Variants in MATR3 observed in about 807,000 individuals in gnomAD.
The protein encoded by MATR3 is matrin 3.
MATR3 carries 4 observed loss-of-function variants against 85.5 expected under a neutral mutation model. That is an observed-to-expected ratio of 0.05 (90% CI 0.02 to 0.11). The LOEUF is 0.11. Ranked by LOEUF, MATR3 falls within the 10% of genes least tolerant of loss-of-function variation. The probability of loss-of-function intolerance (pLI) is 1.00; values close to 1 mark genes in which losing one functional copy is unlikely to be tolerated. For missense variants in MATR3, 685 were observed against 1,016.1 expected, an observed-to-expected ratio of 0.67 and a Z score of 4.43; for synonymous variants, 336 against 343.1, an observed-to-expected ratio of 0.98 and a Z score of 0.23.
chr5:139,316,349 A>C (rs1403270974), intron 5 of MATR3, among the ~76,000 whole-genome samples, 161 bp downstream of exon 5: 4 of 151,580 alleles, frequency 2.6e-5, no homozygotes, highest in Non-Finnish European at 5.9e-5. Flanking sequence ...GGGTGCAAGC[A>C]GTTCTCCTGC....
upstream of MATR3, among the ~76,000 whole-genome samples, chr5:139,290,451 T>TTTTTTTTTTTTTTTTTC (rs1753837574): frequency 8.6e-6 from 1 of 116,166 alleles, no homozygotes; most frequent in African/African-American, 3.4e-5. Flanking sequence ...TTTTTTTTTT[T>TTTTTTTTTTTTTTTTTC]TTTTTTTTTT....
intron 2 of MATR3, chr5:139,311,600 A>G (rs1256288681): frequency 1.3e-5 from 2 of 152,022 alleles, no homozygotes; most frequent in Admixed American, 6.5e-5. Flanking sequence ...CTGTTCAGCT[A>G]TGTACCCTTT....
intron 1 of MATR3, 99 bp downstream of exon 1, chr5:139,293,904 G>T: frequency 9.2e-7 from 1 of 1,086,688 alleles, no homozygotes; most frequent in Non-Finnish European, 1.2e-6. Context: ...CGGGGAGCCG[G>T]CGGCGCGCCT....
intron 1 of MATR3, among the ~76,000 whole-genome samples, chr5:139,297,208 C>T (rs927908485): frequency 6.6e-6 from 1 of 152,132 alleles, no homozygotes; most frequent in African/African-American, 2.4e-5. Flanking sequence ...ATTGACTTAA[C>T]ATTTGGGATG....
At chr5:139,311,988 C>T (rs1268397523) in intron 2 of MATR3, 3 of 151,878 alleles carry the variant, frequency 2.0e-5, no homozygotes, top group Non-Finnish European at 2.9e-5. Context: ...AGGCTGGTCT[C>T]TAACTCCTGG....
chr5:139,318,069 A>G (rs1473819368), intron 7 of MATR3, among the ~76,000 whole-genome samples: 2 of 152,222 alleles, frequency 1.3e-5, no homozygotes, highest in African/African-American at 4.8e-5. Context: ...AATGCAGTAG[A>G]AAATTAATCT....
intron 1 of MATR3, among the ~76,000 whole-genome samples, chr5:139,300,446 A>G (rs1053904825): frequency 2.0e-5 from 3 of 152,236 alleles, no homozygotes; most frequent in Admixed American, 6.5e-5. Flanking sequence ...AAGTTGATAC[A>G]TGAAAGAGAC....
At chr5:139,296,613 A>C (rs956290160) in intron 1 of MATR3, among the ~76,000 whole-genome samples, 1 of 152,226 alleles carries the variant, frequency 6.6e-6, no homozygotes, top group African/African-American at 2.4e-5. Flanking sequence ...TGAAGTGAAA[A>C]GTACTGAGAA....
At chr5:139,290,891 G>C (rs1753851557), upstream of MATR3, among the ~76,000 whole-genome samples, 3 of 152,092 alleles carry the variant, frequency 2.0e-5, no homozygotes, top group Admixed American at 6.6e-5. Flanking sequence ...AACTGAACTT[G>C]CGTTGGATAG....
At chr5:139,297,216 A>T (rs1318626296) in intron 1 of MATR3, among the ~76,000 whole-genome samples, 1 of 152,170 alleles carries the variant, frequency 6.6e-6, no homozygotes, top group Non-Finnish European at 1.5e-5. Flanking sequence ...AACATTTGGG[A>T]TGGACAGTGC....
intron 2 of MATR3, chr5:139,278,557 A>G (rs1351894179): frequency 2.8e-6 from 1 of 360,164 alleles, no homozygotes; most frequent in Non-Finnish European, 5.6e-6. Context: ...TGTTTTATTC[A>G]CTGCTAGATC....
At chr5:139,285,176 A>G (rs1753664880) in intron 3 of MATR3, 1 of 152,202 alleles carries the variant, frequency 6.6e-6, no homozygotes, top group Non-Finnish European at 1.5e-5. Flanking sequence ...ACCTCGTTCA[A>G]TCTAACATCT....
At chr5:139,310,397 A>G (rs1170543684) in intron 2 of MATR3, 1 of 152,192 alleles carries the variant, frequency 6.6e-6, no homozygotes, top group African/African-American at 2.4e-5. Context: ...AAACACATGG[A>G]TTATCTGAAT....
At chr5:139,321,721 T>A in intron 9 of MATR3, 177 bp from the exon 10 acceptor site, 1 of 651,334 alleles carries the variant, frequency 1.5e-6, no homozygotes, top group Non-Finnish European at 2.6e-6. Flanking sequence ...ACATCAACGC[T>A]TCAGCAAGCC....
Position 139,319,281 on chromosome 5 carries a change from G to A in MATR3, c.1435-53G>A, listed in dbSNP as rs1161917166. On this transcript the variant is annotated intron_variant, in intron 8 of 14. Coordinates refer to ENST00000394805, the MANE Select transcript of MATR3 (RefSeq NM_018834.6). ...GGTAAAGACTAGGATGTTTTTAACT[G>A]TTAACTAATAATTATTGCACATTTG... is the stretch of plus-strand genomic sequence containing the variant. 5 of 1,535,706 alleles carry A rather than the reference G, an allele frequency of 3.3e-6. No homozygotes were observed. The African/African-American group carries it at 6.8e-5, about 21-fold the overall frequency.
At chr5:139,327,239 C>CTAA (rs753372469) in intron 14 of MATR3, among the ~76,000 whole-genome samples, 3 of 151,000 alleles carry the variant, frequency 2.0e-5, no homozygotes, top group Non-Finnish European at 4.4e-5. Context: ...TCTCTGTTGA[C>CTAA]TAAATGGATG....
At chr5:139,291,633 G>A (rs1024683329), upstream of MATR3, among the ~76,000 whole-genome samples, 5 of 151,902 alleles carry the variant, frequency 3.3e-5, no homozygotes, top group Non-Finnish European at 5.9e-5. Flanking sequence ...CCGCCTCCCG[G>A]GTTCAAGCGA....
Position 139,277,761 on chromosome 5 carries a change from C to CTT in MATR3, c.-256-1272_-256-1271dup, listed in dbSNP as rs35759733. On this transcript the variant is annotated intron_variant, in intron 2 of 16. Coordinates refer to ENST00000509990, the Ensembl canonical transcript of MATR3. Reference sequence around the variant, plus strand: ...TGGGAAATATATCATGTCTGCTCGTCTTTTTTTTTTTTTTTTTTTAATTGA... The same window carrying CTT: ...TGGGAAATATATCATGTCTGCTCGTCTTTTTTTTTTTTTTTTTTTTTAATTGA... 2.4e-3 allele frequency among the ~76,000 whole-genome samples: 305 copies of CTT among 128,016 alleles called. 1 individual carries two copies. The highest frequency in any genetic ancestry group is 0.023 in the South Asian group (90 of 3,866). 84.0% of individuals were successfully genotyped at this position (128,016 alleles called of 152,430 possible).
At chr5:139,317,176 T>C in intron 6 of MATR3, 71 bp downstream of exon 6, 1 of 1,397,994 alleles carries the variant, frequency 7.2e-7, no homozygotes, top group Non-Finnish European at 1.0e-6. Flanking sequence ...AAATCCTTAC[T>C]AGTTGAGTAT....
Sources: gnomAD v4.1 joint callset for allele counts (sites outside exome capture counted in the v4.1 genomes callset) on GRCh38, gnomAD v4.1.1 for gene constraint, MANE v1.5 for transcripts, NCBI Gene and HGNC (gene_info 2026-07-23, HGNC 2026-07-21) for gene names.